ARL15: variants seen among roughly 807,000 people sequenced by gnomAD.
ARL15 encodes the protein ARF like GTPase 15.
In ARL15, 19 loss-of-function variants were observed where a neutral mutation model predicts 25.2. The ratio of observed to expected loss-of-function variants is 0.75; its 90% confidence interval spans 0.53 to 1.10. The LOEUF (loss-of-function observed/expected upper bound fraction) is 1.10. ARL15 is among the 50% of genes least tolerant of loss of function. The probability of loss-of-function intolerance (pLI) is 0.00; values close to 1 mark genes in which losing one functional copy is unlikely to be tolerated. For missense variants in ARL15, 220 were observed against 246.0 expected (o/e 0.89, Z 0.71); for synonymous variants, 94 against 86.8 (o/e 1.08, Z -0.46).
intron 4 of ARL15, among the ~76,000 whole-genome samples, chr5:54,077,922 G>A (rs3822495): frequency 0.27 from 40,610 of 151,984 alleles, 6,971 homozygotes; most frequent in African/African-American, 0.49. Flanking sequence ...CATTCCTTTG[G>A]AAATATGTAA....
chr5:54,163,356 CTTTTTTTTTTTTTTTTTT>C (rs869196680), intron 2 of ARL15, among the ~76,000 whole-genome samples: 2 of 55,650 alleles, frequency 3.6e-5, no homozygotes, highest in African/African-American at 1.3e-4. Flanking sequence ...TGGTATGAAG[CTTTTTTTTTTTTTTTTTT>C]TTTTTTTTTT....
At chr5:54,155,262 A>G (rs1043145672) in intron 2 of ARL15, among the ~76,000 whole-genome samples, 1 of 152,242 alleles carries the variant, frequency 6.6e-6, no homozygotes, top group Non-Finnish European at 1.5e-5. Flanking sequence ...TATAAGAAAG[A>G]CATTTGAAAG....
intron 4 of ARL15, 133 bp downstream of exon 4, chr5:54,113,069 A>G (rs1294503766): frequency 4.6e-6 from 4 of 875,508 alleles, no homozygotes; most frequent in East Asian, 2.6e-5. Context: ...TCTGCTTCCT[A>G]TGAAAACTAA....
At chr5:54,190,298 C>A (rs1755359568) in intron 1 of ARL15, among the ~76,000 whole-genome samples, 1 of 151,522 alleles carries the variant, frequency 6.6e-6, no homozygotes, top group South Asian at 2.1e-4. Context: ...GAGGCTGAGG[C>A]AGAAGAATTG....
At chr5:54,244,966 A>G (rs1757051908) in intron 1 of ARL15, among the ~76,000 whole-genome samples, 1 of 152,164 alleles carries the variant, frequency 6.6e-6, no homozygotes, top group South Asian at 2.1e-4. Context: ...AATGAAGAAA[A>G]TACTCTAATA....
chr5:53,901,753 T>C (rs1214575838), intron 4 of ARL15, among the ~76,000 whole-genome samples: 2 of 152,256 alleles, frequency 1.3e-5, no homozygotes, highest in East Asian at 3.9e-4. Context: ...AAAGAGCATA[T>C]GAAAAAGAAA....
intron 3 of ARL15, among the ~76,000 whole-genome samples, chr5:54,145,143 AG>A (rs1561241578): frequency 6.6e-6 from 1 of 152,194 alleles, no homozygotes; most frequent in African/African-American, 2.4e-5. Context: ...ATATAACAAA[AG>A]ACATTTAAAA....
chr5:53,990,223 G>C (rs536420724), intron 4 of ARL15, among the ~76,000 whole-genome samples: 1 of 151,094 alleles, frequency 6.6e-6, no homozygotes, highest in East Asian at 2.0e-4. Context: ...GCAGGGCCAG[G>C]CCCTGTCTCT....
chr5:54,028,817 G>T (rs1749871992), intron 4 of ARL15, among the ~76,000 whole-genome samples: 1 of 152,108 alleles, frequency 6.6e-6, no homozygotes. Flanking sequence ...TTTAAGATCA[G>T]CACCATCAAC....
At chr5:53,957,514 A>C (rs550685475) in intron 4 of ARL15, among the ~76,000 whole-genome samples, 1 of 152,136 alleles carries the variant, frequency 6.6e-6, no homozygotes, top group Non-Finnish European at 1.5e-5. Context: ...TCAAAGCTAT[A>C]ACAAAGACAT....
intron 4 of ARL15, among the ~76,000 whole-genome samples, chr5:54,043,478 C>T (rs1326589529): frequency 6.6e-6 from 1 of 151,982 alleles, no homozygotes; most frequent in Admixed American, 6.6e-5. Flanking sequence ...TTATATTTTC[C>T]AGCAACATTT....
intron 1 of ARL15, among the ~76,000 whole-genome samples, chr5:54,223,201 C>T (rs1346204805): frequency 6.6e-6 from 1 of 151,604 alleles, no homozygotes; most frequent in East Asian, 1.9e-4. Flanking sequence ...ACTAAACCAT[C>T]CTCCCACCAT....
intron 2 of ARL15, among the ~76,000 whole-genome samples, chr5:54,166,546 T>C (rs1442039357): frequency 6.6e-6 from 1 of 152,094 alleles, no homozygotes; most frequent in Non-Finnish European, 1.5e-5. Context: ...TTCTTGGATC[T>C]GTAGGTGTAG....
chr5:53,886,565 A>AGAT lies in ARL15; in HGVS notation c.610_611insATC (p.Met204delinsAsnLeu), dbSNP rs1324397782. 3 of 1,556,652 alleles carry AGAT rather than the reference A, an allele frequency of 1.9e-6. No homozygotes were observed. The highest frequency in any genetic ancestry group is 2.0e-5 in the Admixed American group (1 of 50,038). On this transcript the variant is annotated protein_altering_variant, in exon 5 of 5. Transcript: ENST00000504924. ...GCCTGTTTTCTTTGCCAGATTTCAC[A>AGAT]TTCTTACAGCTTCATGGTCTTTTTC...
chr5:54,131,059 G>C (rs2112276605), intron 3 of ARL15, among the ~76,000 whole-genome samples: 1 of 152,282 alleles, frequency 6.6e-6, no homozygotes, highest in African/African-American at 2.4e-5. Context: ...GATCCCTGTA[G>C]CCCTTGGGGT....
chr5:54,060,553 T>C (rs1751033318), intron 4 of ARL15, among the ~76,000 whole-genome samples: 1 of 152,224 alleles, frequency 6.6e-6, no homozygotes, highest in Non-Finnish European at 1.5e-5. Flanking sequence ...CCCCTTGCCT[T>C]CCACCATGAT....
chr5:53,995,338 A>ATT (rs145010918), intron 4 of ARL15, among the ~76,000 whole-genome samples: 3 of 139,194 alleles, frequency 2.2e-5, no homozygotes, highest in East Asian at 4.4e-4. Context: ...GCAATTGGGG[A>ATT]TTTTTTTAAA....
At chr5:54,038,341 G>T (rs1186829733) in intron 4 of ARL15, among the ~76,000 whole-genome samples, 1 of 152,034 alleles carries the variant, frequency 6.6e-6, no homozygotes, top group Non-Finnish European at 1.5e-5. Context: ...CTAAATATAA[G>T]GAGATTTATT....
At chr5:54,192,144 A>C (rs1755422630) in intron 1 of ARL15, among the ~76,000 whole-genome samples, 1 of 151,992 alleles carries the variant, frequency 6.6e-6, no homozygotes, top group Non-Finnish European at 1.5e-5. Flanking sequence ...CTAGATATAC[A>C]TATGGTTCAT....
Sources: gnomAD v4.1 joint callset for allele counts (sites outside exome capture counted in the v4.1 genomes callset) on GRCh38, gnomAD v4.1.1 for gene constraint, MANE v1.5 for transcripts, NCBI Gene and HGNC (gene_info 2026-07-23, HGNC 2026-07-21) for gene names.